CACNA1A: variants seen among roughly 807,000 people sequenced by gnomAD.
CACNA1A encodes calcium voltage-gated channel subunit alpha1 A, also known as voltage-dependent P/Q-type calcium channel subunit alpha-1A.
A neutral mutation model predicts 262.4 loss-of-function variants in CACNA1A; 57 were observed. The observed-to-expected ratio is 0.22, with a 90% confidence interval of 0.18 to 0.27. The LOEUF (loss-of-function observed/expected upper bound fraction) is 0.27, where lower values mean the gene tolerates loss of function less well. Ranked by LOEUF, CACNA1A falls within the 10% of genes least tolerant of loss-of-function variation. The pLI, the probability that CACNA1A is intolerant of heterozygous loss-of-function variation, is 1.00. For synonymous variants in CACNA1A, 1,431 were observed against 1,419.3 expected (o/e 1.01, Z -0.18); for missense variants, 2,526 against 3,562.8 (o/e 0.71, Z 7.41).
At chr19:13,455,590 T>C (rs1181947682) in intron 1 of CACNA1A, among the ~76,000 whole-genome samples, 5 of 152,216 alleles carry the variant, frequency 3.3e-5, no homozygotes, top group Non-Finnish European at 5.9e-5. Flanking sequence ...GACTACATCA[T>C]GTATACTATG....
Position 13,506,295 on chromosome 19 carries a change from C to CGCCGCT in CACNA1A, c.-77_-72dup, listed in dbSNP as rs1983038135. 1.5e-6 allele frequency: 2 copies of CGCCGCT among 1,322,448 alleles called. No homozygotes were observed. Among genetic ancestry groups the CGCCGCT allele is most frequent in the Non-Finnish European group, 2.0e-6 (2 of 1,024,964 alleles). 81.9% of individuals were successfully genotyped at this position (1,322,448 alleles called of 1,614,324 possible). A position where few individuals can be genotyped will look rare whatever the true frequency, so the allele number is the denominator to read the frequency against. ...CGGAAGACGCCGCCGCCGCCGCCGC[C>CGCCGCT]GCCGCTGATGCTGAGGCTGCCGGGG... is the stretch of plus-strand genomic sequence containing the variant. On this transcript the variant is annotated 5_prime_UTR_variant, in exon 1 of 47. Transcript: ENST00000360228.
At chr19:13,467,205 T>C (rs2061261909) in intron 1 of CACNA1A, among the ~76,000 whole-genome samples, 1 of 151,494 alleles carries the variant, frequency 6.6e-6, no homozygotes. Context: ...CTCTGGGAGG[T>C]GGGATGGGGT....
intron 19 of CACNA1A, among the ~76,000 whole-genome samples, chr19:13,293,416 T>C (rs1369661131): frequency 6.7e-6 from 1 of 150,068 alleles, no homozygotes; most frequent in Non-Finnish European, 1.5e-5. Flanking sequence ...CAAAGCATTT[T>C]ACACGTACTA....
At chr19:13,461,952 T>C (rs558363639) in intron 1 of CACNA1A, among the ~76,000 whole-genome samples, 4 of 152,060 alleles carry the variant, frequency 2.6e-5, no homozygotes, top group African/African-American at 7.2e-5. Context: ...CACAATGAAA[T>C]TGATCAGGAC....
intron 17 of CACNA1A, among the ~76,000 whole-genome samples, chr19:13,302,304 C>A (rs1261077002): frequency 6.6e-6 from 1 of 152,164 alleles, no homozygotes; most frequent in Non-Finnish European, 1.5e-5. Flanking sequence ...TGTTTCTTGT[C>A]TGTCTCCCCT....
At position 13,466,854 on chromosome 19, in the gene CACNA1A, T is replaced by C. The variant is rs569683670; in HGVS notation, c.294-11642A>G. Among the ~76,000 whole-genome samples the C allele has an allele frequency of 2.9e-4, 44 of 149,980 alleles. 1 individual carries two copies. In the Middle Eastern group the frequency reaches 0.014, roughly 46 times the overall value. On this transcript the variant is annotated intron_variant, in intron 1 of 46. Transcript: ENST00000360228. ...TGATATGGACGGTTTTCAAGAGTCC[T>C]TCCCTCTCTCTTTTAAATTTCCATT... is the stretch of plus-strand genomic sequence containing the variant.
In CACNA1A at chr19:13,505,807, C is replaced by A. The variant is rs1982965015; in HGVS notation, c.293+125G>T. 5.2e-6 allele frequency: 5 copies of A among 963,212 alleles called. No individual in the cohort carries two copies. In the East Asian group the frequency reaches 1.3e-4, roughly 25 times the overall value. The allele number at this position is 963,212 out of a possible 1,614,324, so 59.7% of individuals were successfully genotyped here. A position where few individuals can be genotyped will look rare whatever the true frequency, so the allele number is the denominator to read the frequency against. On this transcript the variant is annotated intron_variant, in intron 1 of 46. Coordinates refer to ENST00000360228, the MANE Select transcript of CACNA1A (RefSeq NM_001127222.2). ...TCCTCCCGGTGCCCCCTCTCCCAGC[C>A]CCTGGAAGACCCCCCTCCTCCCCAC...
At chr19:13,305,666 A>G (rs912627856) in intron 15 of CACNA1A, among the ~76,000 whole-genome samples, 6 of 152,154 alleles carry the variant, frequency 3.9e-5, no homozygotes, top group African/African-American at 1.4e-4. Flanking sequence ...TGTGACAACC[A>G]ACAATGCTTG....
chr19:13,212,298 G>GGT lies in CACNA1A; in HGVS notation c.6189+84_6190-83dup, dbSNP rs960424337. The GGT allele has an allele frequency of 1.5e-5, 24 of 1,562,948 alleles. No homozygotes were observed. The highest frequency in any genetic ancestry group is 2.2e-5 in the South Asian group (2 of 89,116). Reference sequence around the variant, plus strand: ...GTGTCTGCAGAGGGAGGGAGCTGCAGGTGTGTGTGTGTGGGGGGCCCAGAT... The same window carrying GGT: ...GTGTCTGCAGAGGGAGGGAGCTGCAGGTGTGTGTGTGTGTGGGGGGCCCAGAT... On this transcript the variant is annotated intron_variant, in intron 42 of 46. Coordinates refer to ENST00000360228, the MANE Select transcript of CACNA1A (RefSeq NM_001127222.2). The surrounding 1 kb of genome is among the most constrained non-coding windows in gnomAD (Gnocchi z 5.6).
chr19:13,449,002 TG>T (rs1196368649), intron 3 of CACNA1A, among the ~76,000 whole-genome samples: 2 of 152,178 alleles, frequency 1.3e-5, no homozygotes, highest in Non-Finnish European at 2.9e-5. Context: ...GGTCTTACTT[TG>T]TTGCCCAGCC....
chr19:13,347,390 C>T (rs1185294327), intron 6 of CACNA1A, among the ~76,000 whole-genome samples: 2 of 151,954 alleles, frequency 1.3e-5, no homozygotes, highest in African/African-American at 2.4e-5. Context: ...AGAAGAACTG[C>T]AACCTCTCAT....
chr19:13,496,053 CA>C (rs1981477910), intron 1 of CACNA1A, among the ~76,000 whole-genome samples: 1 of 143,578 alleles, frequency 7.0e-6, no homozygotes, highest in Non-Finnish European at 1.5e-5. Flanking sequence ...ACCATCCATC[CA>C]TCCATCCATC....
intron 3 of CACNA1A, among the ~76,000 whole-genome samples, chr19:13,386,801 A>G (rs541521603): frequency 1.2e-4 from 19 of 152,118 alleles, no homozygotes; most frequent in Non-Finnish European, 2.8e-4. Context: ...TGAAGGAAAA[A>G]AAGAAAGAAC....
chr19:13,454,561 G>A (rs1266462340), intron 2 of CACNA1A, among the ~76,000 whole-genome samples: 1 of 151,818 alleles, frequency 6.6e-6, no homozygotes, highest in Non-Finnish European at 1.5e-5. Context: ...TAGTAGAGAC[G>A]GGCTTTCACC....
At chr19:13,466,051 C>A (rs2061229858) in intron 1 of CACNA1A, among the ~76,000 whole-genome samples, 2 of 151,942 alleles carry the variant, frequency 1.3e-5, no homozygotes, top group South Asian at 2.1e-4. Flanking sequence ...TACAAGGTCT[C>A]CTTTAGGGGT....
At chr19:13,297,385 C>T (rs766064197) in intron 19 of CACNA1A, among the ~76,000 whole-genome samples, 1 of 152,202 alleles carries the variant, frequency 6.6e-6, no homozygotes, top group African/African-American at 2.4e-5. Flanking sequence ...GGAGCTCACT[C>T]AATCTCTCAG....
At chr19:13,497,513 AAAAAAAAAATATATATATATATATATAT>A (rs1981744234) in intron 1 of CACNA1A, among the ~76,000 whole-genome samples, 1 of 45,744 alleles carries the variant, frequency 2.2e-5, no homozygotes, top group African/African-American at 9.0e-5. Context: ...AAAAAAAAAA[AAAAAAAAAATATATATATATATATATAT>A]ATATATATAT....
At chr19:13,310,474 AAAAAAAAAAAAAAAAATAT>A in intron 12 of CACNA1A, among the ~76,000 whole-genome samples, 1 of 47,056 alleles carries the variant, frequency 2.1e-5, no homozygotes, top group Non-Finnish European at 3.6e-5. Context: ...AAAAAAAAAA[AAAAAAAAAAAAAAAAATAT>A]ATATATATAT....
chr19:13,452,052 C>T (rs2060925948), intron 3 of CACNA1A: 1 of 152,218 alleles, frequency 6.6e-6, no homozygotes, highest in Non-Finnish European at 1.5e-5. Context: ...CCAAGCTGGT[C>T]TTGAACTCCT....
Sources: gnomAD v4.1 joint callset for allele counts (sites outside exome capture counted in the v4.1 genomes callset) on GRCh38, gnomAD v4.1.1 for gene constraint, Gnocchi (gnomAD v3.1) non-coding constraint, MANE v1.5 for transcripts, NCBI Gene and HGNC (gene_info 2026-07-23, HGNC 2026-07-21) for gene names.